KATNBL1: variants seen among roughly 807,000 people sequenced by gnomAD.
KATNBL1 encodes KATNB1-like protein 1.
A neutral mutation model predicts 44.7 loss-of-function variants in KATNBL1; 28 were observed. The ratio of observed to expected loss-of-function variants is 0.63; its 90% CI spans 0.46 to 0.86. The LOEUF is 0.86. Among genes scored for constraint, KATNBL1 ranks in the 40% least tolerant of loss-of-function variants. The probability of loss-of-function intolerance (pLI) is 0.00; values close to 1 mark genes in which losing one functional copy is unlikely to be tolerated. For synonymous variants in KATNBL1, 78 were observed against 114.9 expected (o/e 0.68, Z 2.06); for missense variants, 272 against 350.7 (o/e 0.78, Z 1.79).
intron 1 of KATNBL1, among the ~76,000 whole-genome samples, chr15:34,168,522 C>T (rs1889055483): frequency 6.6e-6 from 1 of 152,068 alleles, no homozygotes; most frequent in African/African-American, 2.4e-5. Flanking sequence ...CAATATTAGA[C>T]AGATCAGTGA....
chr15:34,203,723 C>T (rs1370044710), intron 1 of KATNBL1, among the ~76,000 whole-genome samples: 1 of 152,154 alleles, frequency 6.6e-6, no homozygotes, highest in Non-Finnish European at 1.5e-5. Flanking sequence ...GAGTCTTGCT[C>T]TGTCTCCAGG....
chr15:34,166,924 C>A (rs1377541654), intron 1 of KATNBL1, among the ~76,000 whole-genome samples: 1 of 152,136 alleles, frequency 6.6e-6, no homozygotes, highest in Non-Finnish European at 1.5e-5. Context: ...ACATCCACAC[C>A]AAAACCCCAT....
chr15:34,180,770 A>G lies in KATNBL1; in HGVS notation c.-14-17080T>C, dbSNP rs1889493630. Among the ~76,000 whole-genome samples, 3 of 151,920 alleles carry G rather than the reference A, an allele frequency of 2.0e-5. 1 individual carries two copies. In the South Asian group the frequency reaches 6.2e-4, roughly 32 times the overall value. On this transcript the variant is annotated intron_variant, in intron 1 of 9. Transcript: ENST00000256544. ...CTAACAAATCACCAAGTTTTCTCAAATCTTCTTTCAGGCAGGGCACAGTGG... is the reference window on the plus strand; with the variant it reads ...CTAACAAATCACCAAGTTTTCTCAAGTCTTCTTTCAGGCAGGGCACAGTGG...
chr15:34,156,246 A>T (rs976500546), intron 2 of KATNBL1, among the ~76,000 whole-genome samples: 8 of 152,156 alleles, frequency 5.3e-5, no homozygotes, highest in African/African-American at 1.7e-4. Context: ...GTGTCGGGAG[A>T]CAGAAGCTGG....
chr15:34,189,508 C>A, intron 1 of KATNBL1, among the ~76,000 whole-genome samples: 1 of 152,166 alleles, frequency 6.6e-6, no homozygotes, highest in East Asian at 1.9e-4. Context: ...TTAGAACTTG[C>A]AATTTTGCTT....
intron 4 of KATNBL1, among the ~76,000 whole-genome samples, chr15:34,149,386 T>C (rs1888400385): frequency 6.6e-6 from 1 of 152,148 alleles, no homozygotes; most frequent in African/African-American, 2.4e-5. Flanking sequence ...CCTTGCTTTT[T>C]TACCTATATG....
rs1158633408 is a variant in KATNBL1, at chr15:34,141,504, T to C, written c.*835A>G. The C allele has an allele frequency of 2.2e-4, 33 of 152,548 alleles. No homozygotes were observed. Among genetic ancestry groups the C allele is most frequent in the Non-Finnish European group, 5.9e-5 (4 of 67,974 alleles). 9.4% of individuals were successfully genotyped at this position (152,548 alleles called of 1,614,324 possible). Reference sequence around the variant, plus strand: ...AAAAAGTAAATATAAATTAGCCAAGTCCATGGACATTTCCAGTTAAACATT... The same window carrying C: ...AAAAAGTAAATATAAATTAGCCAAGCCCATGGACATTTCCAGTTAAACATT... On this transcript the variant is annotated 3_prime_UTR_variant, in exon 10 of 10. Transcript: ENST00000256544.
At chr15:34,173,614 T>G (rs1046699967) in intron 1 of KATNBL1, among the ~76,000 whole-genome samples, 4 of 151,854 alleles carry the variant, frequency 2.6e-5, no homozygotes, top group African/African-American at 9.7e-5. Flanking sequence ...TTTCCCAGGA[T>G]GATTATGAAA....
At chr15:34,168,353 T>C (rs1175823885) in intron 1 of KATNBL1, among the ~76,000 whole-genome samples, 1 of 152,054 alleles carries the variant, frequency 6.6e-6, no homozygotes, top group Non-Finnish European at 1.5e-5. Flanking sequence ...GACCATTATA[T>C]AATGGTAAAG....
intron 1 of KATNBL1, among the ~76,000 whole-genome samples, chr15:34,168,950 G>T (rs1889068934): frequency 6.6e-6 from 1 of 152,138 alleles, no homozygotes; most frequent in Non-Finnish European, 1.5e-5. Context: ...TGTGTAGCCG[G>T]AAATTTATGG....
At position 34,184,794 on chromosome 15, in the gene KATNBL1, C is replaced by T. The variant is rs923420490; in HGVS notation, c.-14-21104G>A. ...TTCACCTTGTTAGCCAGGATGGTCT[C>T]GATCTCCTGACCTCGTGATCCGCCC... On this transcript the variant is annotated intron_variant, in intron 1 of 9. Coordinates refer to ENST00000256544, the MANE Select transcript of KATNBL1 (RefSeq NM_024713.3). Among the ~76,000 whole-genome samples the T allele has an allele frequency of 3.3e-5, 5 of 151,550 alleles. No homozygotes were observed. In the South Asian group the frequency reaches 1.0e-3, roughly 32 times the overall value.
At chr15:34,198,241 GCATGTAATAC>G (rs1890077884) in intron 1 of KATNBL1, 1 of 152,168 alleles carries the variant, frequency 6.6e-6, no homozygotes, top group Non-Finnish European at 1.5e-5. Flanking sequence ...CTACATCATA[GCATGTAATAC>G]TTTCCTACCT....
chr15:34,176,426 T>C (rs56948017), intron 1 of KATNBL1, among the ~76,000 whole-genome samples: 1,999 of 151,774 alleles, frequency 0.013, 47 homozygotes, highest in African/African-American at 0.046. Flanking sequence ...TTGAATACTA[T>C]GTTAAGTGAA....
At chr15:34,190,558 C>T (rs1255948847) in intron 1 of KATNBL1, among the ~76,000 whole-genome samples, 2 of 152,110 alleles carry the variant, frequency 1.3e-5, no homozygotes, top group Non-Finnish European at 2.9e-5. Flanking sequence ...TCCACATTTC[C>T]GAATTTCCAG....
intron 1 of KATNBL1, among the ~76,000 whole-genome samples, chr15:34,175,416 C>T (rs1174318056): frequency 6.6e-6 from 1 of 152,116 alleles, no homozygotes; most frequent in South Asian, 2.1e-4. Context: ...ATTTGGAATA[C>T]TCAACCTGTA....
At chr15:34,155,447 C>A (rs1308410218) in intron 2 of KATNBL1, among the ~76,000 whole-genome samples, 1 of 152,170 alleles carries the variant, frequency 6.6e-6, no homozygotes, top group Non-Finnish European at 1.5e-5. Flanking sequence ...ACTACTGCTA[C>A]AATTGCAAGA....
intron 1 of KATNBL1, among the ~76,000 whole-genome samples, chr15:34,169,533 C>A (rs1407134678): frequency 6.6e-6 from 1 of 152,182 alleles, no homozygotes; most frequent in Non-Finnish European, 1.5e-5. Context: ...TGGTACCATT[C>A]CTTCTGAAAC....
At chr15:34,201,082 TG>T (rs1890166689) in intron 1 of KATNBL1, among the ~76,000 whole-genome samples, 1 of 152,194 alleles carries the variant, frequency 6.6e-6, no homozygotes, top group Non-Finnish European at 1.5e-5. Context: ...CCCAAAGTGC[TG>T]GGATTACAGG....
At chr15:34,192,403 C>CAAAAAAAA (rs199991134) in intron 1 of KATNBL1, among the ~76,000 whole-genome samples, 1 of 107,250 alleles carries the variant, frequency 9.3e-6, no homozygotes. Context: ...GACTCCATCT[C>CAAAAAAAA]AAAAAAAAAA....
Sources: allele counts gnomAD v4.1 joint callset (sites outside exome capture counted in the v4.1 genomes callset), GRCh38; gene constraint gnomAD v4.1.1; transcripts MANE v1.5; gene names NCBI Gene and HGNC (gene_info 2026-07-23, HGNC 2026-07-21).